The following ESYT2 variants were observed in gnomAD, a reference collection of about 807,000 sequenced individuals.
ESYT2 encodes the protein extended synaptotagmin 2, also known as extended synaptotagmin-2.
A neutral mutation model predicts 107.2 loss-of-function variants in ESYT2; 54 were observed. The observed-to-expected ratio is 0.50, with a 90% CI of 0.40 to 0.63. The LOEUF (loss-of-function observed/expected upper bound fraction) is 0.63, where lower values mean the gene tolerates loss of function less well. Among genes scored for constraint, ESYT2 ranks in the 30% least tolerant of loss-of-function variants. ESYT2 has a pLI of 0.00. For missense variants in ESYT2, 1,020 were observed against 1,094.5 expected (o/e 0.93, Z 0.96); for synonymous variants, 491 against 434.1 (o/e 1.13, Z -1.63).
At chr7:158,806,326 A>G (rs1158679224) in intron 1 of ESYT2, among the ~76,000 whole-genome samples, 3 of 152,260 alleles carry the variant, frequency 2.0e-5, no homozygotes, top group Non-Finnish European at 4.4e-5. Flanking sequence ...CATACCTTTC[A>G]TAACAAAGCT....
chr7:158,748,298 A>G lies in ESYT2; in HGVS notation c.1558-18T>C. On this transcript the variant is annotated intron_variant, in intron 15 of 22. Transcript: ENST00000275418. The stretch of plus-strand genomic sequence containing the variant: ...TATCGAATCTAGAAGAAATATCCAA[A>G]TTATTAGCTCTGATATTTTCTGTGG... The G allele has an allele frequency of 6.3e-7, 1 of 1,586,424 alleles. No homozygotes were observed. Among genetic ancestry groups the G allele is most frequent in the Non-Finnish European group, 8.7e-7 (1 of 1,155,076 alleles).
Position 158,742,301 on chromosome 7 carries a change from C to A in ESYT2, c.1795-405G>T, listed in dbSNP as rs570573385. Among the ~76,000 whole-genome samples the A allele has an allele frequency of 5.9e-5, 9 of 152,330 alleles. No individual in the cohort carries two copies. In the East Asian group the frequency reaches 1.7e-3, roughly 29 times the overall value. ...CTGGTGTGGAAGGGCAGGCCACCCC[C>A]CTGAAGCTGACCCTCTGGTGCCACA... On this transcript the variant is annotated intron_variant, in intron 17 of 22. Transcript: ENST00000275418.
chr7:158,734,515 G>C (rs776925109), intron 21 of ESYT2, 44 bp from the exon 22 acceptor site: 1 of 1,574,166 alleles, frequency 6.4e-7, no homozygotes, highest in Non-Finnish European at 8.7e-7. Context: ...TGGGCTGGGG[G>C]CACTGGCTCC....
chr7:158,798,701 G>A (rs1416241725), intron 2 of ESYT2, among the ~76,000 whole-genome samples: 2 of 133,886 alleles, frequency 1.5e-5, no homozygotes, highest in African/African-American at 2.8e-5. Flanking sequence ...TGAATTTCTT[G>A]TAAGTTATTT....
chr7:158,811,288 G>C (rs1199236369), intron 1 of ESYT2, among the ~76,000 whole-genome samples: 1 of 152,118 alleles, frequency 6.6e-6, no homozygotes, highest in Admixed American at 6.5e-5. Flanking sequence ...ACAGAACCAA[G>C]TAAGTAGAGC....
At chr7:158,765,009 G>C (rs182837874) in intron 8 of ESYT2, among the ~76,000 whole-genome samples, 156 bp from the exon 9 acceptor site, 29 of 152,330 alleles carry the variant, frequency 1.9e-4, no homozygotes, top group Admixed American at 1.7e-3. Context: ...GCGGGGAAAT[G>C]CAAGTGTGTA....
At position 158,804,952 on chromosome 7, in the gene ESYT2, C is replaced by T. The variant is rs545067497; in HGVS notation, c.331-5880G>A. On this transcript the variant is annotated intron_variant, in intron 1 of 22. Transcript: ENST00000275418. ...GGGGAAAAGCAACTCAGAGCCACCTCTTCATATTATCAGATTACGATGAGA... is the reference window on the plus strand; with the variant it reads ...GGGGAAAAGCAACTCAGAGCCACCTTTTCATATTATCAGATTACGATGAGA... Among the ~76,000 whole-genome samples the T allele has an allele frequency of 2.0e-5, 3 of 152,316 alleles. No homozygotes were observed. The South Asian group carries it at 6.2e-4, about 32-fold the overall frequency.
intron 6 of ESYT2, among the ~76,000 whole-genome samples, chr7:158,783,913 G>A (rs1344491894): frequency 6.6e-6 from 1 of 152,210 alleles, no homozygotes; most frequent in African/African-American, 2.4e-5. Flanking sequence ...CCATGGGGGA[G>A]GGAAGCACCT....
chr7:158,775,133 A>C (rs1016437153), intron 6 of ESYT2, among the ~76,000 whole-genome samples: 10 of 152,210 alleles, frequency 6.6e-5, no homozygotes, highest in Non-Finnish European at 1.5e-4. Context: ...AGGCATACTT[A>C]AGTGTGCAAT....
rs1838205121 is a variant in ESYT2, at chr7:158,767,565, C to T, written c.924+89G>A. 2.0e-6 allele frequency: 3 copies of T among 1,523,820 alleles called. No individual in the cohort carries two copies. In the African/African-American group the frequency reaches 4.1e-5, roughly 21 times the overall value. The allele number at this position is 1,523,820 out of a possible 1,614,324, so 94.4% of individuals were successfully genotyped here. ...TGGCAAGCTGGCTGCTGGGGAGAGA[C>T]AAAGAGTCACAGCACCCAATGCCAC... On this transcript the variant is annotated intron_variant, in intron 8 of 22. Transcript: ENST00000275418.
intron 9 of ESYT2, 40 bp from the exon 10 acceptor site, chr7:158,763,205 A>G: frequency 6.8e-7 from 1 of 1,475,332 alleles, no homozygotes; most frequent in East Asian, 2.3e-5. Context: ...CATTTTTACT[A>G]ATATAGTCAT....
chr7:158,812,407 A>T (rs535084200), intron 1 of ESYT2, among the ~76,000 whole-genome samples: 2 of 152,244 alleles, frequency 1.3e-5, no homozygotes, highest in Admixed American at 6.5e-5. Context: ...AGCCACAGTG[A>T]CTCCCACTTT....
At chr7:158,736,240 C>T (rs1043420467) in intron 20 of ESYT2, among the ~76,000 whole-genome samples, 6 of 152,204 alleles carry the variant, frequency 3.9e-5, no homozygotes, top group Admixed American at 6.5e-5. Flanking sequence ...CGGGCTGATG[C>T]ACGCCTGCCA....
At chr7:158,808,806 TA>T (rs56268365) in intron 1 of ESYT2, among the ~76,000 whole-genome samples, 95,907 of 138,246 alleles carry the variant, frequency 0.69, 33,656 homozygotes, top group Non-Finnish European at 0.77. Context: ...CCATCTCTAC[TA>T]AAAAAAAAAA....
intron 1 of ESYT2, among the ~76,000 whole-genome samples, chr7:158,824,936 G>A (rs1375465766): frequency 6.6e-6 from 1 of 152,114 alleles, no homozygotes; most frequent in Admixed American, 6.6e-5. Flanking sequence ...TGGTTCGCTT[G>A]AGCCCAAGAG....
At chr7:158,738,897 T>A in intron 19 of ESYT2, 126 bp downstream of exon 19, 1 of 973,700 alleles carries the variant, frequency 1.0e-6, no homozygotes, top group Non-Finnish European at 1.6e-6. Flanking sequence ...GAGGTTTAAT[T>A]GCTTTGTCCT....
At chr7:158,740,372 T>C (rs971674562) in intron 18 of ESYT2, among the ~76,000 whole-genome samples, 1 of 152,238 alleles carries the variant, frequency 6.6e-6, no homozygotes, top group Non-Finnish European at 1.5e-5. Context: ...GTGCAGATCT[T>C]ATGATTCACC....
chr7:158,741,729 C>T lies in ESYT2; in HGVS notation c.1962G>A (p.Gly654=). The change falls in exon 18 of 23, where the codon GGG becomes GGA. Residue 654 remains glycine (G), a synonymous_variant. Coordinates refer to ENST00000275418, the MANE Select transcript of ESYT2 (RefSeq NM_001367773.1). ...SNTAPSTPVI[G]GSDKPGMEEK... ...CTTCCATACCAGGCTTATCACTGCC[C>T]CCAATGACTGGTGTGGATGGAGCTG... 6.2e-7 allele frequency: 1 copy of T among 1,614,054 alleles called. No individual in the cohort carries two copies. The highest frequency in any genetic ancestry group is 8.5e-7 in the Non-Finnish European group (1 of 1,180,008).
chr7:158,732,128 C>G lies in ESYT2; in HGVS notation c.*2079G>C, dbSNP rs1442148934. On this transcript the variant is annotated 3_prime_UTR_variant, in exon 23 of 23. Transcript: ENST00000275418. The stretch of plus-strand genomic sequence containing the variant: ...AAAGCATTCCATTAAGCAAAATACA[C>G]ATGGAGCGGATTACACACTGGACTG... The G allele has an allele frequency of 6.6e-6, 1 of 152,218 alleles. No homozygotes were observed. Among genetic ancestry groups the G allele is most frequent in the Non-Finnish European group, 1.5e-5 (1 of 68,052 alleles). 9.4% of individuals were successfully genotyped at this position (152,218 alleles called of 1,614,324 possible).
Sources: allele counts gnomAD v4.1 joint callset (sites outside exome capture counted in the v4.1 genomes callset), GRCh38; gene constraint gnomAD v4.1.1; transcripts MANE v1.5; gene names NCBI Gene and HGNC (gene_info 2026-07-23, HGNC 2026-07-21).